ROS1: variants seen among roughly 807,000 people sequenced by gnomAD.
ROS1 encodes the protein ROS proto-oncogene 1, receptor tyrosine kinase.
A neutral mutation model predicts 273.5 loss-of-function variants in ROS1; 263 were observed. The ratio of observed to expected loss-of-function variants is 0.96; its 90% CI spans 0.87 to 1.06. The LOEUF is 1.06. Among genes scored for constraint, ROS1 ranks in the 50% least tolerant of loss-of-function variants. The pLI is 0.00. For synonymous variants in ROS1, 1,008 were observed against 954.1 expected (o/e 1.06, Z -1.04); for missense variants, 2,833 against 2,751.1 (o/e 1.03, Z -0.67).
chr6:117,333,181 C>T (rs1346474436), intron 32 of ROS1, among the ~76,000 whole-genome samples: 1 of 151,972 alleles, frequency 6.6e-6, no homozygotes, highest in Non-Finnish European at 1.5e-5. Flanking sequence ...CCACTGACCC[C>T]ACAGAAATAC....
chr6:117,398,400 G>A (rs543698214), intron 7 of ROS1, among the ~76,000 whole-genome samples: 22 of 152,100 alleles, frequency 1.4e-4, no homozygotes, highest in African/African-American at 5.1e-4. Context: ...CATTTAGGCC[G>A]GGTGCAGTGG....
At chr6:117,354,952 A>G (rs888923732) in intron 26 of ROS1, among the ~76,000 whole-genome samples, 17 of 152,226 alleles carry the variant, frequency 1.1e-4, no homozygotes, top group Non-Finnish European at 4.4e-5. Flanking sequence ...AGCATCCAGG[A>G]TAGAGCAATC....
At chr6:117,424,668 T>C (rs922640605) in intron 1 of ROS1, among the ~76,000 whole-genome samples, 1 of 152,118 alleles carries the variant, frequency 6.6e-6, no homozygotes, top group Non-Finnish European at 1.5e-5. Flanking sequence ...TAAACCTAAG[T>C]AGTGTTTTAA....
At chr6:117,414,452 A>C (rs1408859812) in intron 4 of ROS1, 67 bp downstream of exon 4, 2 of 717,572 alleles carry the variant, frequency 2.8e-6, no homozygotes, top group Non-Finnish European at 5.0e-6. Flanking sequence ...CTATTTTAAA[A>C]GCTTTTTAGA....
intron 36 of ROS1, among the ~76,000 whole-genome samples, chr6:117,320,495 T>A (rs1227309424): frequency 6.6e-6 from 1 of 152,148 alleles, no homozygotes; most frequent in African/African-American, 2.4e-5. Context: ...CCCATCACCA[T>A]AAGGTTAACT....
At chr6:117,384,483 C>A (rs985280990) in intron 16 of ROS1, among the ~76,000 whole-genome samples, 1 of 152,082 alleles carries the variant, frequency 6.6e-6, no homozygotes, top group African/African-American at 2.4e-5. Flanking sequence ...CCCTACTTTG[C>A]CTTCTTTCAA....
At chr6:117,327,463 C>T (rs886920790) in intron 33 of ROS1, among the ~76,000 whole-genome samples, 1 of 152,202 alleles carries the variant, frequency 6.6e-6, no homozygotes. Flanking sequence ...AGTGGCTCTA[C>T]ACAATGGCCA....
At chr6:117,410,559 T>G (rs1212662889) in intron 4 of ROS1, among the ~76,000 whole-genome samples, 6 of 152,162 alleles carry the variant, frequency 3.9e-5, no homozygotes, top group Admixed American at 1.3e-4. Context: ...TCTTAACAGA[T>G]GCATTAACAT....
At chr6:117,288,866 AG>A in intron 43 of ROS1, 64 bp from the exon 44 acceptor site, 1 of 1,303,978 alleles carries the variant, frequency 7.7e-7, no homozygotes, top group Middle Eastern at 2.2e-4. Context: ...ATAATATACA[AG>A]CTATATCAGA....
rs1195839559 is a variant in ROS1, at chr6:117,303,068, T to G, written c.6552-1931A>C. Among the ~76,000 whole-genome samples, 3 of 152,222 alleles carry G rather than the reference T, an allele frequency of 2.0e-5. No individual in the cohort carries two copies. The East Asian group carries it at 5.8e-4, about 29-fold the overall frequency. Reference sequence around the variant, plus strand: ...TGTTTTTACACAGACAATTAAAATCTAGTACTTAAAACATTAACAAGGAGC... The same window carrying G: ...TGTTTTTACACAGACAATTAAAATCGAGTACTTAAAACATTAACAAGGAGC... On this transcript the variant is annotated intron_variant, in intron 42 of 43. Coordinates refer to ENST00000368507, the MANE Select transcript of ROS1 (RefSeq NM_001378902.1).
At chr6:117,404,154 G>C in intron 6 of ROS1, 126 bp downstream of exon 6, 2 of 846,974 alleles carry the variant, frequency 2.4e-6, no homozygotes, top group Admixed American at 2.5e-5. Context: ...CCAAGAGGCG[G>C]AGCTTGCAGT....
chr6:117,299,898 G>A (rs966452462), intron 43 of ROS1, among the ~76,000 whole-genome samples: 2 of 150,650 alleles, frequency 1.3e-5, no homozygotes, highest in Non-Finnish European at 2.9e-5. Context: ...GTCCATTATA[G>A]TAGAATGGTT....
intron 42 of ROS1, among the ~76,000 whole-genome samples, chr6:117,304,066 T>G (rs190900004): frequency 6.6e-6 from 1 of 152,326 alleles, no homozygotes; most frequent in African/African-American, 2.4e-5. Context: ...AATGTATTGA[T>G]CTGATGACTT....
At chr6:117,325,318 G>A (rs1336576711) in intron 34 of ROS1, among the ~76,000 whole-genome samples, 2 of 152,116 alleles carry the variant, frequency 1.3e-5, no homozygotes, top group Non-Finnish European at 2.9e-5. Context: ...CAGCTAAGGG[G>A]CACAGGGTAG....
At chr6:117,319,820 G>A (rs1238054916) in intron 37 of ROS1, 48 bp downstream of exon 37, 15 of 1,523,430 alleles carry the variant, frequency 9.8e-6, no homozygotes, top group Non-Finnish European at 1.4e-5. Flanking sequence ...GTCAATCTTT[G>A]TAGATATGGT....
At chr6:117,398,799 C>G (rs1338040418) in intron 7 of ROS1, among the ~76,000 whole-genome samples, 1 of 151,422 alleles carries the variant, frequency 6.6e-6, no homozygotes, top group African/African-American at 2.4e-5. Context: ...ATGGTGAAAC[C>G]CCATCTCTAC....
chr6:117,298,612 T>C (rs3798368), intron 43 of ROS1, among the ~76,000 whole-genome samples: 43,595 of 152,114 alleles, frequency 0.29, 6,752 homozygotes, highest in East Asian at 0.41. Flanking sequence ...TATTATTAAA[T>C]AGTGAACTGG....
chr6:117,313,381 A>C (rs1229654824), intron 39 of ROS1, among the ~76,000 whole-genome samples: 3 of 152,116 alleles, frequency 2.0e-5, no homozygotes, highest in Non-Finnish European at 2.9e-5. Context: ...CAGCCTGACC[A>C]ACATGGTGAA....
At chr6:117,407,638 G>T (rs999186140) in intron 5 of ROS1, among the ~76,000 whole-genome samples, 15 of 152,156 alleles carry the variant, frequency 9.9e-5, no homozygotes, top group African/African-American at 3.1e-4. Flanking sequence ...AAAACATACT[G>T]CCCAAAGTAA....
Sources: gnomAD v4.1 joint callset for allele counts (sites outside exome capture counted in the v4.1 genomes callset) on GRCh38, gnomAD v4.1.1 for gene constraint, MANE v1.5 for transcripts, NCBI Gene and HGNC (gene_info 2026-07-23, HGNC 2026-07-21) for gene names.